INPP4B: variants seen among roughly 807,000 people sequenced by gnomAD.
INPP4B encodes inositol polyphosphate 4-phosphatase type II.
Under a neutral mutation model 122.5 loss-of-function variants are expected in INPP4B, and 55 were observed. The observed-to-expected ratio is 0.45, with a 90% CI of 0.36 to 0.56. INPP4B has a LOEUF of 0.56. Ranked by LOEUF, INPP4B falls within the 20% of genes least tolerant of loss-of-function variation. The pLI, the probability that INPP4B is intolerant of heterozygous loss-of-function variation, is 0.00. For synonymous variants in INPP4B, 403 were observed against 388.7 expected, an observed-to-expected ratio of 1.04 and a Z score of -0.43; for missense variants, 1,000 against 1,097.7, an observed-to-expected ratio of 0.91 and a Z score of 1.26.
intron 15 of INPP4B, among the ~76,000 whole-genome samples, chr4:142,177,557 C>A (rs1490238861): frequency 6.6e-6 from 1 of 151,758 alleles, no homozygotes; most frequent in African/African-American, 2.4e-5. Context: ...AATAGTACTG[C>A]AAAGCACAGA....
intron 2 of INPP4B, among the ~76,000 whole-genome samples, chr4:142,628,884 A>G (rs893313484): frequency 4.6e-5 from 7 of 152,120 alleles, no homozygotes; most frequent in Non-Finnish European, 7.4e-5. Context: ...AAAGTATCAT[A>G]GATAACACAA....
At chr4:142,102,969 TA>T (rs1297685818) in intron 23 of INPP4B, among the ~76,000 whole-genome samples, 1 of 152,174 alleles carries the variant, frequency 6.6e-6, no homozygotes, top group Non-Finnish European at 1.5e-5. Context: ...GCTTATGTTT[TA>T]ATTTCTCTAT....
chr4:142,347,656 T>G, intron 7 of INPP4B: 1 of 327,568 alleles, frequency 3.1e-6, no homozygotes, highest in South Asian at 2.7e-5. Flanking sequence ...AATTCATTAA[T>G]TAAAATATTT....
At chr4:142,709,515 G>C (rs542483129) in intron 2 of INPP4B, among the ~76,000 whole-genome samples, 1 of 152,204 alleles carries the variant, frequency 6.6e-6, no homozygotes, top group South Asian at 2.1e-4. Flanking sequence ...CCCCCTTGCT[G>C]TTCTCATAAT....
At chr4:142,046,147 G>A (rs1397736) in intron 25 of INPP4B, among the ~76,000 whole-genome samples, 128,373 of 151,976 alleles carry the variant, frequency 0.84, 55,362 homozygotes, top group Non-Finnish European at 0.92. Context: ...TACCTTTCCA[G>A]ATCTGGGCTC....
At chr4:142,163,705 A>G (rs985913961) in intron 16 of INPP4B, among the ~76,000 whole-genome samples, 3 of 151,802 alleles carry the variant, frequency 2.0e-5, no homozygotes, top group African/African-American at 7.3e-5. Context: ...GCTTGGTACT[A>G]TCAGGGGTTT....
At chr4:142,268,301 T>TGACA (rs1743861642) in intron 10 of INPP4B, among the ~76,000 whole-genome samples, 1 of 26,758 alleles carries the variant, frequency 3.7e-5, no homozygotes, top group Admixed American at 6.5e-4. Context: ...CTGGCCTGGG[T>TGACA]GACAGAGCAA....
intron 18 of INPP4B, among the ~76,000 whole-genome samples, chr4:142,141,374 T>G (rs916231130): frequency 6.6e-6 from 1 of 152,170 alleles, no homozygotes; most frequent in Non-Finnish European, 1.5e-5. Context: ...GGTTCTAATA[T>G]TCACTGATTT....
intron 9 of INPP4B, among the ~76,000 whole-genome samples, chr4:142,286,053 A>G (rs1224130687): frequency 6.6e-6 from 1 of 152,220 alleles, no homozygotes; most frequent in Non-Finnish European, 1.5e-5. Flanking sequence ...AGAACAATAA[A>G]GATTCCTACA....
At chr4:142,475,617 T>G (rs939325737) in intron 2 of INPP4B, among the ~76,000 whole-genome samples, 1 of 151,962 alleles carries the variant, frequency 6.6e-6, no homozygotes, top group Non-Finnish European at 1.5e-5. Flanking sequence ...GTACAGAAAC[T>G]AGAAGGTAAA....
At chr4:142,618,797 G>C (rs578156201) in intron 2 of INPP4B, among the ~76,000 whole-genome samples, 2 of 151,586 alleles carry the variant, frequency 1.3e-5, no homozygotes, top group Non-Finnish European at 2.9e-5. Flanking sequence ...GACAATCTGT[G>C]GAATGGAGAA....
intron 18 of INPP4B, among the ~76,000 whole-genome samples, chr4:142,137,337 G>T (rs563762932): frequency 7.1e-6 from 1 of 140,056 alleles, no homozygotes; most frequent in South Asian, 2.5e-4. Context: ...GCCATATGTA[G>T]AAAGCTGAAA....
At chr4:142,131,576 T>C (rs556776407) in intron 18 of INPP4B, among the ~76,000 whole-genome samples, 1 of 152,346 alleles carries the variant, frequency 6.6e-6, no homozygotes, top group East Asian at 1.9e-4. Flanking sequence ...CTCACGTCCA[T>C]AGATTTAACT....
chr4:142,149,974 C>G (rs1034877911), intron 17 of INPP4B, among the ~76,000 whole-genome samples: 1 of 152,174 alleles, frequency 6.6e-6, no homozygotes. Context: ...AACTACGATG[C>G]TAGAGAAGGG....
At chr4:142,498,564 G>A (rs1014373319) in intron 2 of INPP4B, among the ~76,000 whole-genome samples, 1 of 152,036 alleles carries the variant, frequency 6.6e-6, no homozygotes, top group Non-Finnish European at 1.5e-5. Flanking sequence ...GGAGGTGGGA[G>A]GATTGCTTGA....
chr4:142,664,449 T>C (rs1755691220), intron 2 of INPP4B, among the ~76,000 whole-genome samples: 2 of 151,996 alleles, frequency 1.3e-5, no homozygotes, highest in South Asian at 4.1e-4. Context: ...CTGCATAATA[T>C]ATAAATGGGA....
chr4:142,300,294 G>C (rs72722479), intron 9 of INPP4B, among the ~76,000 whole-genome samples: 1 of 151,982 alleles, frequency 6.6e-6, no homozygotes, highest in African/African-American at 2.4e-5. Context: ...TATAGAAGAC[G>C]ATGGAGCCTC....
intron 2 of INPP4B, among the ~76,000 whole-genome samples, chr4:142,555,595 G>C (rs1327042917): frequency 6.6e-6 from 1 of 152,106 alleles, no homozygotes; most frequent in Non-Finnish European, 1.5e-5. Flanking sequence ...TCGGCCAGGC[G>C]TGGTGGCTCA....
At chr4:142,513,131 C>A (rs1033499758) in intron 2 of INPP4B, among the ~76,000 whole-genome samples, 1 of 152,090 alleles carries the variant, frequency 6.6e-6, no homozygotes, top group Admixed American at 6.6e-5. Flanking sequence ...ATTTAATGAG[C>A]AAATATGTAT....
Sources: allele counts gnomAD v4.1 joint callset (sites outside exome capture counted in the v4.1 genomes callset), GRCh38; gene constraint gnomAD v4.1.1; transcripts MANE v1.5; gene names NCBI Gene and HGNC (gene_info 2026-07-23, HGNC 2026-07-21).